PDE4D: variants seen among roughly 807,000 people sequenced by gnomAD.
PDE4D encodes phosphodiesterase 4D.
Under a neutral mutation model 87.4 loss-of-function variants are expected in PDE4D, and 24 were observed. That is an observed-to-expected ratio of 0.27 (90% CI 0.20 to 0.39). The LOEUF (loss-of-function observed/expected upper bound fraction) is 0.39. Among genes scored for constraint, PDE4D ranks in the 10% least tolerant of loss-of-function variants. The pLI, the probability that PDE4D is intolerant of heterozygous loss-of-function variation, is 1.00. For missense variants in PDE4D, 714 were observed against 1,041.0 expected (o/e 0.69, Z 4.32); for synonymous variants, 384 against 383.2 (o/e 1.00, Z -0.02).
chr5:60,085,220 C>T (rs192839252), intron 2 of PDE4D, among the ~76,000 whole-genome samples: 7 of 151,860 alleles, frequency 4.6e-5, no homozygotes, highest in Non-Finnish European at 8.8e-5. Context: ...GAAAAGAGTT[C>T]GGGAATAGCA....
At chr5:59,910,875 C>T (rs1753365601) in intron 3 of PDE4D, among the ~76,000 whole-genome samples, 1 of 152,208 alleles carries the variant, frequency 6.6e-6, no homozygotes, top group Non-Finnish European at 1.5e-5. Flanking sequence ...ATCCACAAAA[C>T]AGACTCCCAG....
chr5:59,505,981 G>C (rs1299404154), intron 1 of PDE4D, among the ~76,000 whole-genome samples: 1 of 151,998 alleles, frequency 6.6e-6, no homozygotes, highest in African/African-American at 2.4e-5. Flanking sequence ...TTTAGATGTA[G>C]CAAGACAATG....
chr5:60,272,067 G>C (rs1184268404), intron 1 of PDE4D, among the ~76,000 whole-genome samples: 1 of 152,172 alleles, frequency 6.6e-6, no homozygotes, highest in Non-Finnish European at 1.5e-5. Context: ...AGACTCCACT[G>C]GTATTCAGTG....
intron 1 of PDE4D, among the ~76,000 whole-genome samples, chr5:59,708,305 T>C (rs1050551424): frequency 2.0e-5 from 3 of 152,044 alleles, no homozygotes; most frequent in African/African-American, 4.8e-5. Flanking sequence ...CCACAGCTAG[T>C]AGAAGACAAG....
At chr5:59,240,579 G>A (rs1757435151) in intron 1 of PDE4D, among the ~76,000 whole-genome samples, 3 of 152,092 alleles carry the variant, frequency 2.0e-5, no homozygotes. Context: ...TAACCAAGTG[G>A]TTCAGTTGAT....
At chr5:59,955,025 T>C (rs914191337) in intron 3 of PDE4D, among the ~76,000 whole-genome samples, 6 of 152,150 alleles carry the variant, frequency 3.9e-5, no homozygotes, top group Non-Finnish European at 7.4e-5. Flanking sequence ...TATTCAGGAA[T>C]AAGAAAATGT....
chr5:59,521,445 G>A (rs72767802), intron 1 of PDE4D, among the ~76,000 whole-genome samples: 37,270 of 152,074 alleles, frequency 0.25, 5,084 homozygotes, highest in Admixed American at 0.31. Flanking sequence ...GCAGGTAAAA[G>A]AGAGGATTTT....
At chr5:60,209,744 G>A (rs1180357009) in intron 1 of PDE4D, among the ~76,000 whole-genome samples, 3 of 151,798 alleles carry the variant, frequency 2.0e-5, no homozygotes, top group Non-Finnish European at 4.4e-5. Flanking sequence ...GAGGGAGGGG[G>A]AGAAAAGGAG....
chr5:59,030,132 T>C (rs531769180), intron 6 of PDE4D, among the ~76,000 whole-genome samples: 15 of 152,178 alleles, frequency 9.9e-5, no homozygotes, highest in African/African-American at 3.6e-4. Context: ...TGGGCAATGA[T>C]TTCTTGGATA....
chr5:59,956,287 G>A (rs1415152227), intron 3 of PDE4D, among the ~76,000 whole-genome samples: 1 of 152,118 alleles, frequency 6.6e-6, no homozygotes, highest in Non-Finnish European at 1.5e-5. Context: ...CCTGAACACA[G>A]CCCCTTCCCC....
intron 2 of PDE4D, among the ~76,000 whole-genome samples, chr5:60,120,391 G>C (rs1228216310): frequency 6.6e-6 from 1 of 152,300 alleles, no homozygotes; most frequent in East Asian, 1.9e-4. Context: ...CTTGGCAGAA[G>C]GGCAGGAAGC....
chr5:60,184,814 C>G (rs759708622), intron 2 of PDE4D, among the ~76,000 whole-genome samples: 2 of 152,178 alleles, frequency 1.3e-5, no homozygotes, highest in African/African-American at 4.8e-5. Flanking sequence ...AATGTTCCTA[C>G]GTCACAAGTA....
intron 2 of PDE4D, among the ~76,000 whole-genome samples, chr5:59,205,258 CTCTT>C (rs1255563828): frequency 3.3e-5 from 5 of 152,082 alleles, no homozygotes; most frequent in East Asian, 1.9e-4. Context: ...TGAGATTATG[CTCTT>C]TCTTTTTCAC....
intron 1 of PDE4D, among the ~76,000 whole-genome samples, chr5:59,453,288 G>A (rs921810185): frequency 6.6e-6 from 1 of 152,076 alleles, no homozygotes; most frequent in Non-Finnish European, 1.5e-5. Flanking sequence ...CTGAGACACA[G>A]CAATATTGAG....
At chr5:59,075,824 CCTTT>C (rs1307056098) in intron 5 of PDE4D, among the ~76,000 whole-genome samples, 1 of 151,870 alleles carries the variant, frequency 6.6e-6, no homozygotes, top group African/African-American at 2.4e-5. Context: ...TTAATTTTAT[CCTTT>C]CTTTGTTATA....
chr5:59,095,394 A>T (rs1293295271), intron 5 of PDE4D, among the ~76,000 whole-genome samples: 1 of 151,892 alleles, frequency 6.6e-6, no homozygotes, highest in Non-Finnish European at 1.5e-5. Context: ...GTATTATAGT[A>T]TTCTTTTACA....
intron 1 of PDE4D, among the ~76,000 whole-genome samples, chr5:59,334,078 A>C (rs867893452): frequency 1.3e-5 from 2 of 151,914 alleles, no homozygotes; most frequent in Non-Finnish European, 2.9e-5. Context: ...TTAGGTACTA[A>C]GTTTCCTCAT....
chr5:60,131,155 T>C (rs1779533457), intron 2 of PDE4D, among the ~76,000 whole-genome samples: 1 of 152,212 alleles, frequency 6.6e-6, no homozygotes, highest in South Asian at 2.1e-4. Flanking sequence ...ATATATTTTA[T>C]CTATTTTCTT....
chr5:60,338,413 A>G lies in PDE4D; in HGVS notation c.-90+149529T>C, dbSNP rs1481965714. 2.6e-5 allele frequency among the ~76,000 whole-genome samples: 4 copies of G among 152,206 alleles called. No homozygotes were observed. In the East Asian group the frequency reaches 7.7e-4, roughly 29 times the overall value. Reference sequence around the variant, plus strand: ...CTGCTGCCGCCGCCACTGAAAGCCAATGGGCGCCACCACTGACACCAACAA... The same window carrying G: ...CTGCTGCCGCCGCCACTGAAAGCCAGTGGGCGCCACCACTGACACCAACAA... On this transcript the variant is annotated intron_variant, in intron 1 of 16. Transcript: ENST00000502484.
Sources: allele counts gnomAD v4.1 joint callset (sites outside exome capture counted in the v4.1 genomes callset), GRCh38; gene constraint gnomAD v4.1.1; transcripts MANE v1.5; gene names NCBI Gene and HGNC (gene_info 2026-07-23, HGNC 2026-07-21).